SLCO6A1: variants seen among roughly 807,000 people sequenced by gnomAD.
SLCO6A1 encodes cancer/testis antigen 48.
A neutral mutation model predicts 72.7 loss-of-function variants in SLCO6A1; 65 were observed. The observed-to-expected ratio is 0.89, with a 90% CI of 0.73 to 1.10. The LOEUF (loss-of-function observed/expected upper bound fraction) is 1.10. Ranked by LOEUF, SLCO6A1 falls within the 50% of genes least tolerant of loss-of-function variation. SLCO6A1 has a pLI of 0.00. For synonymous variants in SLCO6A1, 314 were observed against 298.2 expected, an observed-to-expected ratio of 1.05 and a Z score of -0.55; for missense variants, 874 against 872.6, an observed-to-expected ratio of 1.00 and a Z score of -0.02.
At chr5:102,381,028 A>G (rs572429227) in intron 12 of SLCO6A1, among the ~76,000 whole-genome samples, 13 of 152,088 alleles carry the variant, frequency 8.5e-5, no homozygotes, top group African/African-American at 3.1e-4. Flanking sequence ...TACACTTTAA[A>G]ATGATTAAAT....
chr5:102,394,428 T>A (rs897435092), intron 10 of SLCO6A1, among the ~76,000 whole-genome samples: 5 of 151,854 alleles, frequency 3.3e-5, no homozygotes, highest in Non-Finnish European at 7.4e-5. Context: ...TATACTCCTA[T>A]CCTCTGTTTA....
chr5:102,406,394 T>C (rs1747667895), intron 9 of SLCO6A1, among the ~76,000 whole-genome samples: 1 of 152,034 alleles, frequency 6.6e-6, no homozygotes, highest in Non-Finnish European at 1.5e-5. Flanking sequence ...TTTAGAAAGA[T>C]AAATGAATAG....
intron 4 of SLCO6A1, among the ~76,000 whole-genome samples, chr5:102,462,856 T>A (rs539656457): frequency 6.6e-6 from 1 of 152,284 alleles, no homozygotes; most frequent in East Asian, 1.9e-4. Context: ...CTCTTCTAGA[T>A]GTTGGCTTAG....
At chr5:102,382,261 T>G (rs1160285375) in intron 12 of SLCO6A1, among the ~76,000 whole-genome samples, 2 of 151,788 alleles carry the variant, frequency 1.3e-5, no homozygotes, top group Non-Finnish European at 3.0e-5. Flanking sequence ...TCCCATTGTG[T>G]GTTCTTGGCA....
chr5:102,407,680 G>A (rs1288982737), intron 9 of SLCO6A1, among the ~76,000 whole-genome samples: 1 of 152,170 alleles, frequency 6.6e-6, no homozygotes, highest in Non-Finnish European at 1.5e-5. Flanking sequence ...TGTAACATAA[G>A]GGAGATTCTC....
intron 7 of SLCO6A1, among the ~76,000 whole-genome samples, chr5:102,426,330 G>A (rs1478296603): frequency 6.6e-6 from 1 of 152,078 alleles, no homozygotes; most frequent in African/African-American, 2.4e-5. Context: ...GAGTGAATGG[G>A]CAACCTACAG....
At chr5:102,391,309 C>T in intron 10 of SLCO6A1, 1 of 410,602 alleles carries the variant, frequency 2.4e-6, no homozygotes, top group Non-Finnish European at 4.4e-6. Context: ...TTCCCCAGCT[C>T]CCATTCCTTT....
chr5:102,458,217 G>A (rs1021143928), intron 6 of SLCO6A1, among the ~76,000 whole-genome samples, 165 bp downstream of exon 6: 22 of 151,772 alleles, frequency 1.4e-4, no homozygotes, highest in African/African-American at 4.6e-4. Flanking sequence ...TAACCGGCAC[G>A]TTGTGCACAT....
chr5:102,466,737 T>C (rs564439031), intron 4 of SLCO6A1, among the ~76,000 whole-genome samples: 5 of 152,292 alleles, frequency 3.3e-5, no homozygotes, highest in East Asian at 1.9e-4. Context: ...TAGTACCTCA[T>C]TGCGGTTTTG....
At chr5:102,451,515 C>T (rs1445674399) in intron 6 of SLCO6A1, among the ~76,000 whole-genome samples, 1 of 152,178 alleles carries the variant, frequency 6.6e-6, no homozygotes, top group Admixed American at 6.5e-5. Context: ...TGTACCTGAA[C>T]AGCAGCTCTG....
At chr5:102,390,306 T>C (rs1746684349) in intron 11 of SLCO6A1, among the ~76,000 whole-genome samples, 1 of 152,146 alleles carries the variant, frequency 6.6e-6, no homozygotes, top group Non-Finnish European at 1.5e-5. Flanking sequence ...AAAACAAAAA[T>C]ATTATCTAAT....
chr5:102,412,657 A>T (rs1316543492), intron 9 of SLCO6A1, among the ~76,000 whole-genome samples: 1 of 152,008 alleles, frequency 6.6e-6, no homozygotes, highest in African/African-American at 2.4e-5. Context: ...ACTATCCTGT[A>T]GGCTGAGGTG....
At position 102,498,589 on chromosome 5, in the gene SLCO6A1, C is replaced by G. The variant is rs1427969974; in HGVS notation, c.256G>C (p.Glu86Gln). 6 of 1,614,122 alleles carry G rather than the reference C, an allele frequency of 3.7e-6. No homozygotes were observed. The African/African-American group carries it at 8.0e-5, about 22-fold the overall frequency. The change falls in exon 1 of 14, where the codon GAG (glutamate) becomes CAG (glutamine). Residue 86 changes from glutamate (E) to glutamine (Q), a missense_variant. Physicochemically the swap from Glu to Gln is conservative, Grantham distance 29. Coordinates refer to ENST00000506729, the MANE Select transcript of SLCO6A1 (RefSeq NM_173488.5). ...KKPGEVDDSL[E>Q]QPCGLGCLVS... ...AAGCAGCCCAAACCACAGGGCTGCT[C>G]CAAACTGTCATCCACTTCTCCCGGC... is the stretch of plus-strand genomic sequence containing the variant.
chr5:102,389,453 C>CCCCCCCT (rs1746616831), intron 11 of SLCO6A1, among the ~76,000 whole-genome samples: 1 of 69,120 alleles, frequency 1.4e-5, no homozygotes, highest in African/African-American at 4.8e-5. Flanking sequence ...CCGCCCCCCA[C>CCCCCCCT]CCCCACACAC....
chr5:102,377,020 C>T lies in SLCO6A1; in HGVS notation c.2018-3526G>A, dbSNP rs71586343. On this transcript the variant is annotated intron_variant, in intron 12 of 13. Coordinates refer to ENST00000506729, the MANE Select transcript of SLCO6A1 (RefSeq NM_173488.5). Reference sequence around the variant, plus strand: ...CTGTATTAAAAGTAAATAAATTAGCCGGGCATGGTGGCATGGACCTGTAAT... The same window carrying T: ...CTGTATTAAAAGTAAATAAATTAGCTGGGCATGGTGGCATGGACCTGTAAT... Among the ~76,000 whole-genome samples the T allele has an allele frequency of 3.0e-3, 453 of 152,056 alleles. 1 individual carries two copies. The highest frequency in any genetic ancestry group is 4.6e-3 in the Non-Finnish European group (316 of 67,968).
At position 102,480,261 on chromosome 5, in the gene SLCO6A1, A is replaced by G; in HGVS notation, c.532T>C (p.Ser178Pro). ...RKKVIWFVAS[S>P]FLIGLGSLLC... ...AGTGATCCAAGTCCTATTAAAAAGG[A>G]GGAAGCTACAAACCATATTACTTTT... Residue 178 changes from serine (S) to proline (P), a missense_variant, in exon 2 of 14, where the codon TCC (serine) becomes CCC (proline). Ser to Pro is a moderately conservative substitution (Grantham distance 74). Transcript: ENST00000506729. 6.2e-7 allele frequency: 1 copy of G among 1,613,290 alleles called. No individual in the cohort carries two copies. Among genetic ancestry groups the G allele is most frequent in the East Asian group, 2.2e-5 (1 of 44,780 alleles).
Position 102,460,922 on chromosome 5 carries a change from A to C in SLCO6A1, c.900-1145T>G, listed in dbSNP as rs1750998520. Reference sequence around the variant, plus strand: ...CTCATATATATATATATATATATATATATATATATATATATATATATATAT... The same window carrying C: ...CTCATATATATATATATATATATATCTATATATATATATATATATATATAT... On this transcript the variant is annotated intron_variant, in intron 4 of 13. Transcript: ENST00000506729. 7.1e-4 allele frequency among the ~76,000 whole-genome samples: 8 copies of C among 11,304 alleles called. No homozygotes were observed. In the East Asian group the frequency reaches 0.014, roughly 20 times the overall value. The allele number at this position is 11,304 out of a possible 152,430, so 7.4% of individuals were successfully genotyped here. A position where few individuals can be genotyped will look rare whatever the true frequency, so the allele number is the denominator to read the frequency against.
chr5:102,487,868 T>C (rs1191387689), intron 1 of SLCO6A1, among the ~76,000 whole-genome samples: 1 of 152,256 alleles, frequency 6.6e-6, no homozygotes, highest in Non-Finnish European at 1.5e-5. Flanking sequence ...TTACTCTATG[T>C]CAAAGTAAGA....
chr5:102,412,290 A>G (rs1051236884), intron 9 of SLCO6A1, among the ~76,000 whole-genome samples: 5 of 152,226 alleles, frequency 3.3e-5, no homozygotes, highest in East Asian at 3.9e-4. Context: ...GACCACCTTG[A>G]GCACACGTTC....
Sources: allele counts gnomAD v4.1 joint callset (sites outside exome capture counted in the v4.1 genomes callset), GRCh38; gene constraint gnomAD v4.1.1; transcripts MANE v1.5; gene names NCBI Gene and HGNC (gene_info 2026-07-23, HGNC 2026-07-21).